KCND2: variants seen among roughly 807,000 people sequenced by gnomAD.
KCND2 encodes A-type voltage-gated potassium channel KCND2.
In KCND2, 16 loss-of-function variants were observed where a neutral mutation model predicts 54.4. That is an observed-to-expected ratio of 0.29 (90% CI 0.20 to 0.45). KCND2 has a LOEUF of 0.45. Among genes scored for constraint, KCND2 ranks in the 20% least tolerant of loss-of-function variants. The probability of loss-of-function intolerance (pLI) is 1.00; values close to 1 mark genes in which losing one functional copy is unlikely to be tolerated. For synonymous variants in KCND2, 317 were observed against 310.7 expected (o/e 1.02, Z -0.21); for missense variants, 486 against 824.2 (o/e 0.59, Z 5.02).
chr7:120,325,518 T>C (rs1242805230), intron 1 of KCND2, among the ~76,000 whole-genome samples: 2 of 151,546 alleles, frequency 1.3e-5, no homozygotes, highest in Non-Finnish European at 2.9e-5. Flanking sequence ...GAAGAGTTGT[T>C]GAATTTTGTC....
At chr7:120,690,228 A>T (rs1189533866) in intron 1 of KCND2, among the ~76,000 whole-genome samples, 1 of 152,196 alleles carries the variant, frequency 6.6e-6, no homozygotes, top group East Asian at 1.9e-4. Context: ...TGACACAAAT[A>T]TAAGGCATAC....
chr7:120,587,140 A>G (rs1437119657), intron 1 of KCND2, among the ~76,000 whole-genome samples: 1 of 152,152 alleles, frequency 6.6e-6, no homozygotes, highest in Non-Finnish European at 1.5e-5. Flanking sequence ...CATTTTTCAC[A>G]GAGGCAAACA....
chr7:120,706,792 T>C (rs1004940591), intron 1 of KCND2, among the ~76,000 whole-genome samples: 48 of 152,148 alleles, frequency 3.2e-4, no homozygotes, highest in Admixed American at 3.1e-3. Context: ...AACACACATC[T>C]ATAATACTTT....
intron 1 of KCND2, among the ~76,000 whole-genome samples, chr7:120,438,027 C>A (rs1179303554): frequency 6.6e-6 from 1 of 152,098 alleles, no homozygotes; most frequent in Non-Finnish European, 1.5e-5. Flanking sequence ...TTATTTTGGT[C>A]ATTGAAGTTA....
chr7:120,331,629 T>TA (rs1266883496), intron 1 of KCND2, among the ~76,000 whole-genome samples: 7 of 152,102 alleles, frequency 4.6e-5, no homozygotes, highest in African/African-American at 1.7e-4. Context: ...TTGTTTGTGT[T>TA]AGTTTTCATA....
At chr7:120,487,252 G>A (rs1359261163) in intron 1 of KCND2, among the ~76,000 whole-genome samples, 1 of 151,964 alleles carries the variant, frequency 6.6e-6, no homozygotes, top group African/African-American at 2.4e-5. Context: ...AAAAAAGAGG[G>A]ATACCCTTAA....
chr7:120,404,768 G>C (rs935248020), intron 1 of KCND2, among the ~76,000 whole-genome samples: 4 of 66,144 alleles, frequency 6.0e-5, no homozygotes, highest in African/African-American at 2.5e-4. Flanking sequence ...CTGATTTTTG[G>C]GGGGGGACCT....
At chr7:120,361,288 G>A (rs932035179) in intron 1 of KCND2, among the ~76,000 whole-genome samples, 6 of 151,634 alleles carry the variant, frequency 4.0e-5, no homozygotes, top group African/African-American at 1.5e-4. Flanking sequence ...TAGTTCTGAA[G>A]CAAAAAAGAT....
rs567827985 is a variant in KCND2, at chr7:120,392,965, G to A, written c.1115+117218G>A. Reference sequence around the variant, plus strand: ...AACAATACATGTATCAGTTAAAATAGCATGCGCTTATTATTATATTACATT... The same window carrying A: ...AACAATACATGTATCAGTTAAAATAACATGCGCTTATTATTATATTACATT... On this transcript the variant is annotated intron_variant, in intron 1 of 5. Transcript: ENST00000331113. Among the ~76,000 whole-genome samples the A allele has an allele frequency of 3.9e-5, 6 of 152,046 alleles. No homozygotes were observed. In the South Asian group the frequency reaches 1.2e-3, roughly 32 times the overall value.
chr7:120,385,611 C>G (rs1800976749), intron 1 of KCND2, among the ~76,000 whole-genome samples: 1 of 152,090 alleles, frequency 6.6e-6, no homozygotes, highest in Non-Finnish European at 1.5e-5. Context: ...AAGCCAATAA[C>G]TTATGTAGAT....
chr7:120,583,378 T>C (rs552371738), intron 1 of KCND2, among the ~76,000 whole-genome samples: 8 of 152,304 alleles, frequency 5.3e-5, no homozygotes, highest in Non-Finnish European at 7.4e-5. Context: ...GTTTTTGAAA[T>C]TGAACAACAA....
chr7:120,409,759 A>G (rs1417737471), intron 1 of KCND2, among the ~76,000 whole-genome samples: 1 of 151,706 alleles, frequency 6.6e-6, no homozygotes, highest in East Asian at 1.9e-4. Context: ...ATTCAGTTGT[A>G]TGAGTTCTTC....
chr7:120,556,357 T>C (rs1372426046), intron 1 of KCND2, among the ~76,000 whole-genome samples: 2 of 152,188 alleles, frequency 1.3e-5, no homozygotes, highest in Admixed American at 1.3e-4. Context: ...TCTGACTTCC[T>C]ACCAGATTAA....
At chr7:120,328,711 A>G (rs1800018360) in intron 1 of KCND2, among the ~76,000 whole-genome samples, 1 of 152,120 alleles carries the variant, frequency 6.6e-6, no homozygotes, top group African/African-American at 2.4e-5. Context: ...TCATCTTTAC[A>G]TTTTCTTCTT....
intron 1 of KCND2, among the ~76,000 whole-genome samples, chr7:120,609,411 G>A (rs1033965188): frequency 1.3e-5 from 2 of 152,024 alleles, no homozygotes; most frequent in African/African-American, 4.8e-5. Flanking sequence ...ATATTTCTTG[G>A]CTGTCAGAGT....
At chr7:120,566,063 T>C (rs1792293445) in intron 1 of KCND2, among the ~76,000 whole-genome samples, 1 of 152,170 alleles carries the variant, frequency 6.6e-6, no homozygotes, top group Non-Finnish European at 1.5e-5. Flanking sequence ...CCCAAGGAGC[T>C]TCTGGTACCA....
At position 120,493,046 on chromosome 7, in the gene KCND2, C is replaced by A. The variant is rs561355486; in HGVS notation, c.1115+217299C>A. 3.3e-5 allele frequency among the ~76,000 whole-genome samples: 5 copies of A among 152,090 alleles called. No individual in the cohort carries two copies. The South Asian group carries it at 1.0e-3, about 32-fold the overall frequency. ...ATTCATGAAGGCTCCACCTCCAAAG[C>A]CTCCACCTCTGAATACCATCACCTT... On this transcript the variant is annotated intron_variant, in intron 1 of 5. Coordinates refer to ENST00000331113, the MANE Select transcript of KCND2 (RefSeq NM_012281.3).
chr7:120,684,311 G>C (rs187173674), intron 1 of KCND2, among the ~76,000 whole-genome samples: 57 of 152,160 alleles, frequency 3.7e-4, no homozygotes, highest in Non-Finnish European at 6.6e-4. Context: ...ACTTAATCTA[G>C]TACACGTAAT....
chr7:120,402,634 T>A (rs1391251712), intron 1 of KCND2, among the ~76,000 whole-genome samples: 1 of 152,188 alleles, frequency 6.6e-6, no homozygotes, highest in African/African-American at 2.4e-5. Context: ...GTGAAATTTT[T>A]CATTTCCCTC....
Sources: allele counts gnomAD v4.1 joint callset (sites outside exome capture counted in the v4.1 genomes callset), GRCh38; gene constraint gnomAD v4.1.1; transcripts MANE v1.5; gene names NCBI Gene and HGNC (gene_info 2026-07-23, HGNC 2026-07-21).